SH3BGR: variants seen among roughly 807,000 people sequenced by gnomAD.
SH3BGR encodes SH3 domain binding glutamate rich protein.
SH3BGR carries 29 observed loss-of-function variants against 24.5 expected under a neutral mutation model. That is an observed-to-expected ratio of 1.18 (90% CI 0.88 to 1.61). The LOEUF is 1.61. Among genes scored for constraint, SH3BGR ranks in the 40% most tolerant of loss-of-function variants. The pLI is 0.00. For missense variants in SH3BGR, 162 were observed against 205.8 expected, an observed-to-expected ratio of 0.79 and a Z score of 1.30; for synonymous variants, 55 against 65.7, an observed-to-expected ratio of 0.84 and a Z score of 0.79.
At chr21:39,445,982 G>A (rs931692814) in exon 1 of SH3BGR, 1 of 152,238 alleles carries the variant, frequency 6.6e-6, no homozygotes, top group Non-Finnish European at 1.5e-5. Context: ...TCCCTGTTCG[G>A]CGCCCGGGAC....
intron 3 of SH3BGR, among the ~76,000 whole-genome samples, chr21:39,486,674 G>A (rs1367708986): frequency 6.6e-6 from 1 of 152,180 alleles, no homozygotes; most frequent in Non-Finnish European, 1.5e-5. Flanking sequence ...TTAAGCACCT[G>A]TTGTCTGATA....
At chr21:39,490,964 T>C (rs1246643008) in intron 3 of SH3BGR, among the ~76,000 whole-genome samples, 1 of 152,102 alleles carries the variant, frequency 6.6e-6, no homozygotes, top group Non-Finnish European at 1.5e-5. Context: ...ACTCCTAGGC[T>C]GTAGTGATCC....
chr21:39,452,937 G>A (rs2077598234), intron 1 of SH3BGR, among the ~76,000 whole-genome samples: 1 of 152,156 alleles, frequency 6.6e-6, no homozygotes, highest in African/African-American at 2.4e-5. Flanking sequence ...CTGATATTTC[G>A]ACCAGCATTT....
intron 2 of SH3BGR, among the ~76,000 whole-genome samples, chr21:39,468,834 C>T (rs2077887174): frequency 6.6e-6 from 1 of 152,120 alleles, no homozygotes; most frequent in East Asian, 1.9e-4. Context: ...ATTCCTTATT[C>T]CCAAACAAAT....
chr21:39,485,529 T>C (rs911815159), intron 3 of SH3BGR, among the ~76,000 whole-genome samples: 3 of 152,266 alleles, frequency 2.0e-5, no homozygotes, highest in African/African-American at 7.2e-5. Context: ...CAAAAATTAC[T>C]ATCATCCCTC....
chr21:39,508,806 A>G (rs1029271463), intron 4 of SH3BGR, among the ~76,000 whole-genome samples, 192 bp from the exon 5 acceptor site: 1 of 152,218 alleles, frequency 6.6e-6, no homozygotes, highest in Admixed American at 6.5e-5. Flanking sequence ...TAAGAGCTTG[A>G]AATATAATGT....
Position 39,451,976 on chromosome 21 carries a change from C to T in SH3BGR, c.-121C>T. The T allele has an allele frequency of 6.2e-7, 1 of 1,614,002 alleles. No homozygotes were observed. Among genetic ancestry groups the T allele is most frequent in the Non-Finnish European group, 8.5e-7 (1 of 1,179,952 alleles). ...AGCGGGACTGCCGGAGCCCAGTGGA[C>T]CCCTGGGCTGCTGCCAGCCCCGACC... On this transcript the variant is annotated 5_prime_UTR_variant, in exon 1 of 7. Transcript: ENST00000333634.
intron 2 of SH3BGR, among the ~76,000 whole-genome samples, chr21:39,462,791 G>C (rs1459932591): frequency 2.0e-5 from 3 of 152,158 alleles, no homozygotes; most frequent in Non-Finnish European, 4.4e-5. Flanking sequence ...GATTATTTCA[G>C]GTTCTTTGTT....
At chr21:39,453,498 T>G (rs1164364897) in intron 1 of SH3BGR, among the ~76,000 whole-genome samples, 1 of 152,190 alleles carries the variant, frequency 6.6e-6, no homozygotes, top group Non-Finnish European at 1.5e-5. Flanking sequence ...CAGCCAGTCC[T>G]CTATATATTC....
At chr21:39,458,350 A>T (rs114902910) in intron 1 of SH3BGR, among the ~76,000 whole-genome samples, 28,311 of 151,786 alleles carry the variant, frequency 0.19, 2,778 homozygotes, top group Middle Eastern at 0.26. Flanking sequence ...TATTTTTTTT[A>T]AAATTTGAGA....
At chr21:39,447,939 G>A (rs1482028928), upstream of SH3BGR, among the ~76,000 whole-genome samples, 2 of 152,286 alleles carry the variant, frequency 1.3e-5, no homozygotes, top group African/African-American at 4.8e-5. Flanking sequence ...ATTTCTGGAG[G>A]TCAGAAGTAT....
intron 3 of SH3BGR, among the ~76,000 whole-genome samples, chr21:39,477,621 G>C (rs1285144899): frequency 6.6e-6 from 1 of 152,114 alleles, no homozygotes; most frequent in Admixed American, 6.5e-5. Context: ...GGCTTTGAAC[G>C]TGCCTCCAGA....
At chr21:39,508,051 T>C (rs1193779450) in intron 4 of SH3BGR, among the ~76,000 whole-genome samples, 2 of 152,210 alleles carry the variant, frequency 1.3e-5, no homozygotes, top group Non-Finnish European at 2.9e-5. Context: ...CCTGTGACCT[T>C]TGACTTTGGC....
intron 1 of SH3BGR, among the ~76,000 whole-genome samples, chr21:39,454,901 C>T (rs1051056605): frequency 2.0e-5 from 3 of 152,194 alleles, no homozygotes; most frequent in Non-Finnish European, 4.4e-5. Context: ...GTACAAAATG[C>T]TTTTCCATGC....
At chr21:39,450,347 ATGTTGGT>A (rs2077559027), upstream of SH3BGR, among the ~76,000 whole-genome samples, 1 of 152,218 alleles carries the variant, frequency 6.6e-6, no homozygotes, top group African/African-American at 2.4e-5. Context: ...CAAAAGTTAA[ATGTTGGT>A]AGTCACCTCA....
At chr21:39,513,091 G>A (rs1335156676) in intron 6 of SH3BGR, among the ~76,000 whole-genome samples, 1 of 152,098 alleles carries the variant, frequency 6.6e-6, no homozygotes, top group Non-Finnish European at 1.5e-5. Flanking sequence ...GTTACTCTCA[G>A]GAGATAATGA....
At chr21:39,481,149 A>G (rs953459601) in intron 3 of SH3BGR, among the ~76,000 whole-genome samples, 2 of 152,186 alleles carry the variant, frequency 1.3e-5, no homozygotes, top group African/African-American at 4.8e-5. Flanking sequence ...TTAAACAACA[A>G]TAGTAGTAGC....
At chr21:39,498,470 T>C (rs556104219) in intron 3 of SH3BGR, among the ~76,000 whole-genome samples, 1 of 152,322 alleles carries the variant, frequency 6.6e-6, no homozygotes, top group African/African-American at 2.4e-5. Context: ...GTCTCTGAAG[T>C]GTGGGTGGTA....
At chr21:39,451,939 C>T, upstream of SH3BGR, 2 of 1,614,138 alleles carry the variant, frequency 1.2e-6, no homozygotes, top group Non-Finnish European at 8.5e-7. Context: ...GAGACAGAGC[C>T]TCTTAAGTTG....
Sources: allele counts gnomAD v4.1 joint callset (sites outside exome capture counted in the v4.1 genomes callset), GRCh38; gene constraint gnomAD v4.1.1; transcripts MANE v1.5; gene names NCBI Gene and HGNC (gene_info 2026-07-23, HGNC 2026-07-21).